Variants in ATP10D observed in about 807,000 individuals in gnomAD.
The protein encoded by ATP10D is ATPase phospholipid transporting 10D (putative).
In ATP10D, 89 loss-of-function variants were observed where a neutral mutation model predicts 144.8. The observed-to-expected ratio is 0.61, with a 90% CI of 0.52 to 0.73. The LOEUF is 0.73. ATP10D is among the 30% of genes least tolerant of loss of function. The probability of loss-of-function intolerance (pLI) is 0.00; values close to 1 mark genes in which losing one functional copy is unlikely to be tolerated. For synonymous variants in ATP10D, 571 were observed against 615.1 expected (o/e 0.93, Z 1.06); for missense variants, 1,603 against 1,714.8 (o/e 0.93, Z 1.15).
At chr4:47,579,477 G>A (rs971776416) in intron 19 of ATP10D, among the ~76,000 whole-genome samples, 5 of 152,184 alleles carry the variant, frequency 3.3e-5, no homozygotes. Context: ...GCCTGAGTGG[G>A]CACAGCTTTT....
chr4:47,563,773 T>C lies in ATP10D; in HGVS notation c.2853+8T>C, dbSNP rs896490428. On this transcript the variant is annotated splice_region_variant and intron_variant, in intron 15 of 22. Transcript: ENST00000273859. ...CTCAATACCCAAAGTAAAGTGCGTA[T>C]ATTGAGATTAAATCTGTTCTTCTGT... 5.1e-6 allele frequency: 8 copies of C among 1,574,174 alleles called. No homozygotes were observed. The highest frequency in any genetic ancestry group is 6.9e-6 in the Non-Finnish European group (8 of 1,159,366).
Position 47,544,408 on chromosome 4 carries a change from A to G in ATP10D, c.1397-2216A>G, listed in dbSNP as rs1314104695. Among the ~76,000 whole-genome samples, 4 of 152,212 alleles carry G rather than the reference A, an allele frequency of 2.6e-5. No individual in the cohort carries two copies. The East Asian group carries it at 7.7e-4, about 29-fold the overall frequency. Reference sequence around the variant, plus strand: ...ATTTATGTAAATAGAAAGGACGCAAATGAATATTTCAAGCAAAGGCATAGA... The same window carrying G: ...ATTTATGTAAATAGAAAGGACGCAAGTGAATATTTCAAGCAAAGGCATAGA... On this transcript the variant is annotated intron_variant, in intron 9 of 22. Transcript: ENST00000273859.
chr4:47,558,993 C>G lies in ATP10D; in HGVS notation c.2505C>G (p.Ala835=), dbSNP rs1719137067. ...EKTQKHLDDY[A]KQGLRTLCIA... ...CCCAGAAGCACTTGGATGACTATGC[C>G]AAACAAGGCCTTCGTACTTTATGTA... The change falls in exon 13 of 23, where the codon GCC becomes GCG. Residue 835 remains alanine (A), a synonymous_variant. Coordinates refer to ENST00000273859, the MANE Select transcript of ATP10D (RefSeq NM_020453.4). The G allele has an allele frequency of 6.2e-7, 1 of 1,613,948 alleles. No individual in the cohort carries two copies. The highest frequency in any genetic ancestry group is 1.1e-5 in the South Asian group (1 of 91,086).
intron 21 of ATP10D, among the ~76,000 whole-genome samples, chr4:47,585,099 TTC>T (rs920351709): frequency 1.3e-5 from 2 of 152,172 alleles, no homozygotes; most frequent in African/African-American, 2.4e-5. Flanking sequence ...GTGAAGGTAA[TTC>T]TGTTTTCATA....
chr4:47,569,883 G>T (rs992570276), intron 16 of ATP10D, among the ~76,000 whole-genome samples: 2 of 152,154 alleles, frequency 1.3e-5, no homozygotes, highest in Admixed American at 1.3e-4. Flanking sequence ...GAAAATGAAA[G>T]CCATGAGGGG....
intron 3 of ATP10D, among the ~76,000 whole-genome samples, chr4:47,519,509 T>C (rs1716841118): frequency 6.6e-6 from 1 of 152,222 alleles, no homozygotes; most frequent in African/African-American, 2.4e-5. Flanking sequence ...TTTAATTATA[T>C]ATCAGGAAAG....
At chr4:47,583,172 A>T (rs898501540) in intron 21 of ATP10D, 6 of 152,218 alleles carry the variant, frequency 3.9e-5, no homozygotes, top group African/African-American at 9.7e-5. Flanking sequence ...TATCTTATTC[A>T]TGTTTATCTT....
chr4:47,569,254 C>T, intron 16 of ATP10D, 108 bp downstream of exon 16: 3 of 1,283,760 alleles, frequency 2.3e-6, no homozygotes, highest in Non-Finnish European at 3.2e-6. Context: ...TTCCTCCTCC[C>T]TTTTTCTCTA....
intron 1 of ATP10D, among the ~76,000 whole-genome samples, chr4:47,510,143 T>C (rs761914377): frequency 6.6e-6 from 1 of 152,082 alleles, no homozygotes; most frequent in Non-Finnish European, 1.5e-5. Context: ...TTTCATCATA[T>C]GTTAATTACC....
intron 9 of ATP10D, among the ~76,000 whole-genome samples, chr4:47,539,853 C>T (rs748817836): frequency 3.2e-4 from 49 of 152,206 alleles, no homozygotes; most frequent in Non-Finnish European, 5.9e-4. Context: ...ACTAGCCCTC[C>T]TCCACTCTAG....
chr4:47,565,416 A>G (rs1210282144), intron 15 of ATP10D, among the ~76,000 whole-genome samples: 2 of 152,202 alleles, frequency 1.3e-5, no homozygotes, highest in Non-Finnish European at 2.9e-5. Context: ...GGGGCAGAAC[A>G]GAAGAAAATG....
At chr4:47,577,837 C>A (rs1380459018) in intron 19 of ATP10D, among the ~76,000 whole-genome samples, 1 of 152,096 alleles carries the variant, frequency 6.6e-6, no homozygotes, top group Non-Finnish European at 1.5e-5. Context: ...TAAAGGAGTC[C>A]AGTCTGACTT....
intron 15 of ATP10D, among the ~76,000 whole-genome samples, chr4:47,568,130 T>C (rs1294663671): frequency 6.6e-6 from 1 of 152,250 alleles, no homozygotes; most frequent in Non-Finnish European, 1.5e-5. Context: ...AAGTGATAAC[T>C]GCCTTTAAAG....
chr4:47,579,086 G>GAT (rs1423433293), intron 19 of ATP10D, among the ~76,000 whole-genome samples: 1 of 152,160 alleles, frequency 6.6e-6, no homozygotes, highest in African/African-American at 2.4e-5. Flanking sequence ...ACTAATAAGT[G>GAT]ATAGCACTCT....
intron 21 of ATP10D, among the ~76,000 whole-genome samples, chr4:47,583,593 T>C (rs894732485): frequency 1.3e-5 from 2 of 152,134 alleles, no homozygotes; most frequent in East Asian, 3.9e-4. Flanking sequence ...TTTGGGATTG[T>C]TTTTATACCT....
At chr4:47,490,100 TTGATTTA>T (rs1407948922) in intron 1 of ATP10D, among the ~76,000 whole-genome samples, 2 of 152,200 alleles carry the variant, frequency 1.3e-5, no homozygotes, top group African/African-American at 4.8e-5. Context: ...ATCTTTTTCT[TTGATTTA>T]TAGGATTCAT....
intron 1 of ATP10D, among the ~76,000 whole-genome samples, chr4:47,491,670 A>G (rs867726584): frequency 1.3e-4 from 20 of 152,180 alleles, no homozygotes; most frequent in African/African-American, 4.6e-4. Context: ...AACTGCTGCC[A>G]TATTGAACTA....
chr4:47,487,160 C>G (rs1323716494), intron 1 of ATP10D, among the ~76,000 whole-genome samples: 6 of 137,644 alleles, frequency 4.4e-5, no homozygotes, highest in Non-Finnish European at 9.1e-5. Flanking sequence ...GCCCGGGAGG[C>G]GGAGGTTGCT....
chr4:47,528,416 A>C (rs1377029792), intron 5 of ATP10D, among the ~76,000 whole-genome samples: 1 of 150,626 alleles, frequency 6.6e-6, no homozygotes, highest in African/African-American at 2.4e-5. Context: ...TTGCTGCAAA[A>C]GTCATGATTT....
Sources: allele counts gnomAD v4.1 joint callset (sites outside exome capture counted in the v4.1 genomes callset), GRCh38; gene constraint gnomAD v4.1.1; transcripts MANE v1.5; gene names NCBI Gene and HGNC (gene_info 2026-07-23, HGNC 2026-07-21).